The following COP1 variants were observed in gnomAD, a reference collection of about 807,000 sequenced individuals.
COP1 encodes COP1 E3 ubiquitin ligase, also known as E3 ubiquitin-protein ligase COP1.
Under a neutral mutation model 101.3 loss-of-function variants are expected in COP1, and 24 were observed. That is an observed-to-expected ratio of 0.24 (90% CI 0.17 to 0.33). COP1 has a LOEUF of 0.33. Among genes scored for constraint, COP1 ranks in the 10% least tolerant of loss-of-function variants. The probability of loss-of-function intolerance (pLI) is 1.00; values close to 1 mark genes in which losing one functional copy is unlikely to be tolerated. For synonymous variants in COP1, 347 were observed against 341.9 expected (o/e 1.01, Z -0.17); for missense variants, 663 against 906.2 (o/e 0.73, Z 3.45).
rs11428035 is a variant in COP1, at chr1:176,086,227, CTT to C, written c.1027-339_1027-338del. On this transcript the variant is annotated intron_variant, in intron 9 of 19. Transcript: ENST00000367669. Reference sequence around the variant, plus strand: ...AAAATTTAGAATTTTGGGAATCTTTCTTTTTTTTTTTTTTTTGAGATGGAGTC... The same window carrying C: ...AAAATTTAGAATTTTGGGAATCTTTCTTTTTTTTTTTTTTGAGATGGAGTC... Among the ~76,000 whole-genome samples the C allele has an allele frequency of 2.7e-3, 362 of 135,038 alleles. 2 individuals are homozygous for C. Among genetic ancestry groups the C allele is most frequent in the African/African-American group, 9.3e-3 (341 of 36,526 alleles). The allele number at this position is 135,038 out of a possible 152,430, so 88.6% of individuals were successfully genotyped here. A position where few individuals can be genotyped will look rare whatever the true frequency, so the allele number is the denominator to read the frequency against.
intron 1 of COP1, among the ~76,000 whole-genome samples, chr1:176,185,130 C>CG (rs1234052431): frequency 2.6e-5 from 4 of 152,012 alleles, no homozygotes; most frequent in South Asian, 2.1e-4. Flanking sequence ...ATTTATTATT[C>CG]TAGTTTCGAC....
chr1:176,152,267 A>C (rs1692731122), intron 5 of COP1, among the ~76,000 whole-genome samples: 1 of 152,146 alleles, frequency 6.6e-6, no homozygotes, highest in Admixed American at 6.5e-5. Flanking sequence ...CTCTCCTAAA[A>C]AAAAAAAATT....
At position 176,005,657 on chromosome 1, in the gene COP1, C is replaced by T. The variant is rs191455682; in HGVS notation, c.1730-16178G>A. On this transcript the variant is annotated intron_variant, in intron 15 of 19. Transcript: ENST00000367669. ...GTTGTTCAGTTTCCATGAAGTTGAGCGGTTTTGAGTGAGATTCTTAATCCT... is the reference window on the plus strand; with the variant it reads ...GTTGTTCAGTTTCCATGAAGTTGAGTGGTTTTGAGTGAGATTCTTAATCCT... Among the ~76,000 whole-genome samples the T allele has an allele frequency of 2.5e-3, 384 of 152,192 alleles. 3 individuals are homozygous for T. The highest frequency in any genetic ancestry group is 8.7e-3 in the African/African-American group (362 of 41,500).
At chr1:176,017,424 C>T (rs1665855078) in intron 15 of COP1, 1 of 152,124 alleles carries the variant, frequency 6.6e-6, no homozygotes, top group Non-Finnish European at 1.5e-5. Flanking sequence ...CGGGAAAATC[C>T]CTGCTAGGTT....
In COP1 at chr1:176,000,432, C is replaced by T. The variant is rs560740539; in HGVS notation, c.1730-10953G>A. ...GTAGGTGTGCTATACTTTTATTTAA[C>T]TGGGAGCATAGAATTGTTTACACTA... On this transcript the variant is annotated intron_variant, in intron 15 of 19. Transcript: ENST00000367669. Among the ~76,000 whole-genome samples, 267 of 152,064 alleles carry T rather than the reference C, an allele frequency of 1.8e-3. 1 individual carries two copies. The highest frequency in any genetic ancestry group is 6.8e-3 in the Middle Eastern group (2 of 294).
chr1:176,078,650 C>T (rs1234835468), intron 11 of COP1, among the ~76,000 whole-genome samples: 1 of 151,032 alleles, frequency 6.6e-6, no homozygotes, highest in East Asian at 1.9e-4. Flanking sequence ...CAAGTGGGAC[C>T]TAATTAAATT....
chr1:176,058,413 C>T (rs148371276), intron 11 of COP1, among the ~76,000 whole-genome samples: 16,322 of 152,094 alleles, frequency 0.11, 940 homozygotes, highest in Middle Eastern at 0.15. Flanking sequence ...TTTCATTTTG[C>T]TCTGTACTAA....
rs1470222913 is a variant in COP1, at chr1:175,988,424, T to G, written c.1848-12A>C. The stretch of plus-strand genomic sequence containing the variant: ...GACTGTCTGTTGAGCTGAGGAAAAG[T>G]ACAAAGAGTAAGAACTTACTTAAAA... On this transcript the variant is annotated splice_polypyrimidine_tract_variant and intron_variant, in intron 16 of 19. Coordinates refer to ENST00000367669, the MANE Select transcript of COP1 (RefSeq NM_022457.7). 16 of 1,581,830 alleles carry G rather than the reference T, an allele frequency of 1.0e-5. No homozygotes were observed. The highest frequency in any genetic ancestry group is 1.3e-5 in the Non-Finnish European group (15 of 1,161,608).
At chr1:176,142,879 T>A (rs1424590479) in intron 6 of COP1, among the ~76,000 whole-genome samples, 2 of 151,788 alleles carry the variant, frequency 1.3e-5, no homozygotes, top group Non-Finnish European at 2.9e-5. Flanking sequence ...AATAAGAAAC[T>A]ATGGCCCTAA....
At chr1:176,095,523 C>T (rs982912443) in intron 9 of COP1, among the ~76,000 whole-genome samples, 1 of 152,078 alleles carries the variant, frequency 6.6e-6, no homozygotes, top group Non-Finnish European at 1.5e-5. Flanking sequence ...CTATAAAACA[C>T]AAAAAAAAAT....
At chr1:176,127,243 T>C (rs1688151743) in intron 8 of COP1, among the ~76,000 whole-genome samples, 1 of 152,158 alleles carries the variant, frequency 6.6e-6, no homozygotes, top group Non-Finnish European at 1.5e-5. Context: ...TTCTAAAACA[T>C]ACAATTTATT....
At chr1:175,992,580 G>A (rs1399265302) in intron 15 of COP1, among the ~76,000 whole-genome samples, 1 of 152,176 alleles carries the variant, frequency 6.6e-6, no homozygotes, top group Non-Finnish European at 1.5e-5. Flanking sequence ...AAAAATGGCG[G>A]ACCAGGAGAT....
At chr1:175,967,032 C>T (rs1652151095) in intron 18 of COP1, among the ~76,000 whole-genome samples, 1 of 152,180 alleles carries the variant, frequency 6.6e-6, no homozygotes, top group Admixed American at 6.5e-5. Flanking sequence ...TTCTTCTCCA[C>T]TAGTATCCTT....
At chr1:176,086,847 G>A (rs1572148269) in intron 9 of COP1, among the ~76,000 whole-genome samples, 1 of 152,118 alleles carries the variant, frequency 6.6e-6, no homozygotes, top group Admixed American at 6.5e-5. Flanking sequence ...CACACTACCT[G>A]ACTTCAAACT....
At chr1:176,058,360 A>G (rs1674182265) in intron 11 of COP1, among the ~76,000 whole-genome samples, 1 of 152,172 alleles carries the variant, frequency 6.6e-6, no homozygotes, top group South Asian at 2.1e-4. Flanking sequence ...GAGAAATCGG[A>G]TGGTTGCTGT....
At chr1:175,960,946 T>C (rs10798425) in intron 18 of COP1, among the ~76,000 whole-genome samples, 60,575 of 152,054 alleles carry the variant, frequency 0.4, 12,282 homozygotes, top group Middle Eastern at 0.45. Context: ...GCCCTCAATG[T>C]GGATAGGCAC....
intron 18 of COP1, among the ~76,000 whole-genome samples, chr1:175,980,328 C>G (rs925834005): frequency 1.6e-5 from 2 of 121,690 alleles, no homozygotes; most frequent in African/African-American, 5.8e-5. Context: ...TTTTAAAGGC[C>G]AAGAATCAGA....
chr1:176,126,732 A>G (rs956581014), intron 8 of COP1, among the ~76,000 whole-genome samples: 1 of 152,158 alleles, frequency 6.6e-6, no homozygotes, highest in African/African-American at 2.4e-5. Flanking sequence ...GGTTACAGGC[A>G]TGAGCCACTG....
At chr1:175,993,918 G>C (rs1315521491) in intron 15 of COP1, among the ~76,000 whole-genome samples, 1 of 152,100 alleles carries the variant, frequency 6.6e-6, no homozygotes, top group African/African-American at 2.4e-5. Context: ...TCCTCGAGAA[G>C]AGCAACTCCA....
Sources: allele counts gnomAD v4.1 joint callset (sites outside exome capture counted in the v4.1 genomes callset), GRCh38; gene constraint gnomAD v4.1.1; transcripts MANE v1.5; gene names NCBI Gene and HGNC (gene_info 2026-07-23, HGNC 2026-07-21).